The following DHX32 variants were observed in gnomAD, a reference collection of about 807,000 sequenced individuals.
The protein encoded by DHX32 is putative pre-mRNA-splicing factor ATP-dependent RNA helicase DHX32.
In DHX32, 51 loss-of-function variants were observed where a neutral mutation model predicts 70.0. The ratio of observed to expected loss-of-function variants is 0.73; its 90% confidence interval spans 0.58 to 0.92. DHX32 has a LOEUF of 0.92. Among genes scored for constraint, DHX32 ranks in the 40% least tolerant of loss-of-function variants. The pLI, the probability that DHX32 is intolerant of heterozygous loss-of-function variation, is 0.00. For missense variants in DHX32, 762 were observed against 891.8 expected, an observed-to-expected ratio of 0.85 and a Z score of 1.85; for synonymous variants, 310 against 315.3, an observed-to-expected ratio of 0.98 and a Z score of 0.18.
intron 10 of DHX32, among the ~76,000 whole-genome samples, chr10:125,837,957 C>T (rs1184526713): frequency 6.6e-6 from 1 of 152,174 alleles, no homozygotes; most frequent in Non-Finnish European, 1.5e-5. Flanking sequence ...CTCTAGCATT[C>T]TGTCCTTCTT....
At chr10:125,876,773 T>C (rs1944286244) in intron 1 of DHX32, among the ~76,000 whole-genome samples, 1 of 152,160 alleles carries the variant, frequency 6.6e-6, no homozygotes, top group Middle Eastern at 3.2e-3. Flanking sequence ...GACAATAAAA[T>C]ACAATGCAAT....
In DHX32 at chr10:125,836,862, A is replaced by G. The variant is rs377298429; in HGVS notation, c.2064-7T>C. The G allele has an allele frequency of 2.5e-6, 4 of 1,613,252 alleles. No homozygotes were observed. Among genetic ancestry groups the G allele is most frequent in the African/African-American group, 1.3e-5 (1 of 74,904 alleles). On this transcript the variant is annotated splice_region_variant and splice_polypyrimidine_tract_variant and intron_variant, in intron 10 of 10. Transcript: ENST00000284690. ...TGGTACCAGCTGCATAAATCTGTTT[A>G]TTTAAGACAAAAAGATGAGATTATG...
At chr10:125,837,980 T>C (rs906150472) in intron 10 of DHX32, among the ~76,000 whole-genome samples, 1 of 152,216 alleles carries the variant, frequency 6.6e-6, no homozygotes, top group African/African-American at 2.4e-5. Flanking sequence ...AGACACATGG[T>C]CTTTGTTTTT....
chr10:125,867,519 G>A lies in DHX32; in HGVS notation c.283-336C>T, dbSNP rs1025367960. Among the ~76,000 whole-genome samples the A allele has an allele frequency of 5.5e-4, 83 of 152,080 alleles. 1 individual carries two copies. Among genetic ancestry groups the A allele is most frequent in the African/African-American group, 1.8e-3 (74 of 41,402 alleles). ...TGGGAGGCCGAGGTGGGCGGATCAC[G>A]AAGTCAGGAGATCGAGACCATCCTG... On this transcript the variant is annotated intron_variant, in intron 1 of 10. Transcript: ENST00000284690.
intron 10 of DHX32, 126 bp downstream of exon 10, chr10:125,838,077 ACTG>A: frequency 1.2e-6 from 1 of 804,590 alleles, no homozygotes; most frequent in African/African-American, 1.7e-5. Context: ...CTTAGTAGGT[ACTG>A]TCAACGTAAA....
chr10:125,895,943 C>G (rs1195323946), intron 1 of DHX32, among the ~76,000 whole-genome samples: 2 of 152,304 alleles, frequency 1.3e-5, no homozygotes, highest in Non-Finnish European at 2.9e-5. Flanking sequence ...AGGGACCGCC[C>G]CAGGCCCGGC....
intron 4 of DHX32, among the ~76,000 whole-genome samples, chr10:125,852,858 G>C (rs1274024655): frequency 6.6e-6 from 1 of 152,198 alleles, no homozygotes. Context: ...TGCTTTCATT[G>C]TGGCTTCAAT....
chr10:125,853,095 G>A (rs368706779), intron 4 of DHX32: 9 of 1,488,122 alleles, frequency 6.0e-6, no homozygotes, highest in Middle Eastern at 1.7e-4. Context: ...CAGAAACTGC[G>A]TATGGCACTA....
At chr10:125,847,226 C>A (rs1564824609) in intron 6 of DHX32, among the ~76,000 whole-genome samples, 1 of 151,936 alleles carries the variant, frequency 6.6e-6, no homozygotes, top group Non-Finnish European at 1.5e-5. Flanking sequence ...CAGTTCCATA[C>A]CATGGAAGGG....
upstream of DHX32, among the ~76,000 whole-genome samples, chr10:125,883,874 C>T (rs1944330727): frequency 6.6e-6 from 1 of 152,184 alleles, no homozygotes; most frequent in African/African-American, 2.4e-5. Context: ...TGGAGCCCTG[C>T]TCTTCCCTGG....
At chr10:125,838,426 A>C (rs1185979741) in intron 9 of DHX32, 39 bp from the exon 10 acceptor site, 1 of 1,503,862 alleles carries the variant, frequency 6.6e-7, no homozygotes, top group South Asian at 1.4e-5. Flanking sequence ...ATTTTGTATT[A>C]ATATGGAGAT....
At chr10:125,855,946 T>A (rs371719844) in intron 3 of DHX32, among the ~76,000 whole-genome samples, 1 of 152,198 alleles carries the variant, frequency 6.6e-6, no homozygotes, top group Non-Finnish European at 1.5e-5. Context: ...TTGAATTTTG[T>A]TCCAAATGGC....
At chr10:125,846,256 C>T (rs529199820) in intron 6 of DHX32, among the ~76,000 whole-genome samples, 5 of 152,194 alleles carry the variant, frequency 3.3e-5, no homozygotes, top group Admixed American at 1.3e-4. Flanking sequence ...TCCCCACCCT[C>T]ATACCATTAT....
chr10:125,873,446 T>A (rs1030070548), intron 1 of DHX32, among the ~76,000 whole-genome samples: 1 of 152,120 alleles, frequency 6.6e-6, no homozygotes, highest in Admixed American at 6.5e-5. Context: ...CCTCTTCTGC[T>A]TTCTTCTCTT....
At chr10:125,867,707 G>T (rs1944230447) in intron 1 of DHX32, among the ~76,000 whole-genome samples, 1 of 142,912 alleles carries the variant, frequency 7.0e-6, no homozygotes, top group Admixed American at 7.2e-5. Context: ...CTGCACGCCA[G>T]CCTGGGCGAC....
chr10:125,871,909 C>T (rs1259823509), intron 1 of DHX32, among the ~76,000 whole-genome samples: 1 of 147,586 alleles, frequency 6.8e-6, no homozygotes, highest in East Asian at 2.0e-4. Flanking sequence ...GTTGCCCAGG[C>T]TGGAGTGCAA....
At chr10:125,841,251 G>A (rs778219890) in intron 7 of DHX32, 3 of 1,613,316 alleles carry the variant, frequency 1.9e-6, no homozygotes, top group Non-Finnish European at 2.5e-6. Context: ...TTCTATTCCG[G>A]CAGGAGCAGG....
chr10:125,841,239 G>A (rs1291947450), intron 7 of DHX32: 4 of 1,611,006 alleles, frequency 2.5e-6, no homozygotes, highest in Non-Finnish European at 3.4e-6. Context: ...TTAATATCCT[G>A]CTTCTATTCC....
At chr10:125,838,180 A>G in intron 10 of DHX32, 26 bp downstream of exon 10, 1 of 1,540,894 alleles carries the variant, frequency 6.5e-7, no homozygotes, top group Non-Finnish European at 8.7e-7. Flanking sequence ...AAAAAAATAC[A>G]ACCCTTTCTT....
Sources: allele counts gnomAD v4.1 joint callset (sites outside exome capture counted in the v4.1 genomes callset), GRCh38; gene constraint gnomAD v4.1.1; transcripts MANE v1.5; gene names NCBI Gene and HGNC (gene_info 2026-07-23, HGNC 2026-07-21).